CPLANE1: variants seen among roughly 807,000 people sequenced by gnomAD.
CPLANE1 encodes the protein ciliogenesis and planar polarity effector 1.
Under a neutral mutation model 362.5 loss-of-function variants are expected in CPLANE1, and 263 were observed. The ratio of observed to expected loss-of-function variants is 0.73; its 90% CI spans 0.66 to 0.80. The LOEUF (loss-of-function observed/expected upper bound fraction) is 0.80. Ranked by LOEUF, CPLANE1 falls within the 30% of genes least tolerant of loss-of-function variation. The pLI is 0.00. For missense variants in CPLANE1, 3,461 were observed against 3,793.4 expected, an observed-to-expected ratio of 0.91 and a Z score of 2.30; for synonymous variants, 1,212 against 1,302.6, an observed-to-expected ratio of 0.93 and a Z score of 1.50.
chr5:37,235,474 G>A (rs1208437289), intron 8 of CPLANE1, among the ~76,000 whole-genome samples: 9 of 150,258 alleles, frequency 6.0e-5, no homozygotes, highest in Middle Eastern at 3.3e-3. Flanking sequence ...AATTACCAGC[G>A]CCATTTTTCA....
rs1757811069 is a variant in CPLANE1, at chr5:37,107,293, GT to G, written c.*308del. 2 of 1,081,072 alleles carry G rather than the reference GT, an allele frequency of 1.9e-6. No individual in the cohort carries two copies. The highest frequency in any genetic ancestry group is 1.6e-5 in the African/African-American group (1 of 60,708). 67.0% of individuals were successfully genotyped at this position (1,081,072 alleles called of 1,614,324 possible). On this transcript the variant is annotated 3_prime_UTR_variant, in exon 53 of 53. Coordinates refer to ENST00000651892, the MANE Select transcript of CPLANE1 (RefSeq NM_001384732.1). Reference sequence around the variant, plus strand: ...AATAAAGGAGGAGGCAAGATAGAGGGTTTTTATTGAAAGTAGGTTATGCAAA... The same window carrying G: ...AATAAAGGAGGAGGCAAGATAGAGGGTTTTATTGAAAGTAGGTTATGCAAA...
chr5:37,115,597 C>CTTTTT (rs202050168), intron 50 of CPLANE1, among the ~76,000 whole-genome samples: 3 of 124,670 alleles, frequency 2.4e-5, no homozygotes, highest in Non-Finnish European at 3.4e-5. Context: ...ACTTTTATTT[C>CTTTTT]TTTTTTTTTT....
chr5:37,245,705 T>A lies in CPLANE1; in HGVS notation c.217+5A>T, dbSNP rs1200852849. ...AGCCATTTGAAAATATCAGTACTACTTAACCATTACTGGATGTTGTTAGGA... is the reference window on the plus strand; with the variant it reads ...AGCCATTTGAAAATATCAGTACTACATAACCATTACTGGATGTTGTTAGGA... On this transcript the variant is annotated splice_donor_5th_base_variant and intron_variant, in intron 3 of 52. Coordinates refer to ENST00000651892, the MANE Select transcript of CPLANE1 (RefSeq NM_001384732.1). 1 of 1,508,140 alleles carries A rather than the reference T, an allele frequency of 6.6e-7. No homozygotes were observed. The highest frequency in any genetic ancestry group is 2.4e-5 in the Admixed American group (1 of 41,538). The allele number at this position is 1,508,140 out of a possible 1,614,324, so 93.4% of individuals were successfully genotyped here.
At chr5:37,083,863 A>G in the CPLANE1 span, among the ~76,000 whole-genome samples, 1 of 152,244 alleles carries the variant, frequency 6.6e-6, no homozygotes, top group Non-Finnish European at 1.5e-5. Flanking sequence ...ATTTGGGGGA[A>G]TAATCGAGGA....
At position 37,107,063 on chromosome 5, in the gene CPLANE1, T is replaced by C. The variant is rs1361288970; in HGVS notation, c.*539A>G. 1.0e-6 allele frequency: 1 copy of C among 985,338 alleles called. No homozygotes were observed. Among genetic ancestry groups the C allele is most frequent in the Non-Finnish European group, 1.2e-6 (1 of 829,930 alleles). The allele number at this position is 985,338 out of a possible 1,614,324, so 61.0% of individuals were successfully genotyped here. ...AAGACAGAAGATCTCCTGGCCTCCA[T>C]GAAACTTTGCTTATTTAGAGATTCA... On this transcript the variant is annotated 3_prime_UTR_variant, in exon 53 of 53. Coordinates refer to ENST00000651892, the MANE Select transcript of CPLANE1 (RefSeq NM_001384732.1).
chr5:37,226,006 A>G (rs1425197160), intron 12 of CPLANE1, among the ~76,000 whole-genome samples: 1 of 152,154 alleles, frequency 6.6e-6, no homozygotes, highest in African/African-American at 2.4e-5. Flanking sequence ...CTAAAAGTGT[A>G]TACATTTATC....
chr5:37,211,902 G>C lies in CPLANE1; in HGVS notation c.2920+1657C>G, dbSNP rs1792713714. ...GTTTGAAATGGATGGGCCCTCTCCT[G>C]CCGGGGATATGCTTCATATGGGCGC... On this transcript the variant is annotated intron_variant, in intron 16 of 52. Transcript: ENST00000651892. 7.6e-6 allele frequency: 6 copies of C among 789,980 alleles called. No individual in the cohort carries two copies. The African/African-American group carries it at 1.0e-4, about 13-fold the overall frequency. The allele number at this position is 789,980 out of a possible 1,614,324, so 48.9% of individuals were successfully genotyped here.
intron 15 of CPLANE1, among the ~76,000 whole-genome samples, chr5:37,217,774 C>G (rs181460231): frequency 4.7e-5 from 7 of 149,244 alleles, no homozygotes; most frequent in African/African-American, 1.7e-4. Context: ...GTCAGGAGTT[C>G]GATACCAGCC....
intron 14 of CPLANE1, 66 bp downstream of exon 14, chr5:37,224,187 A>T (rs1424941631): frequency 1.9e-6 from 2 of 1,030,666 alleles, no homozygotes; most frequent in Non-Finnish European, 1.4e-6. Context: ...ATTACTGTTA[A>T]GGTCTACAGC....
chr5:37,101,009 G>T, the CPLANE1 span, among the ~76,000 whole-genome samples: 4 of 152,130 alleles, frequency 2.6e-5, no homozygotes, highest in Non-Finnish European at 4.4e-5. Flanking sequence ...GAAGCTTTTG[G>T]GCTGAGACAA....
chr5:37,214,987 A>G (rs1308422233), intron 15 of CPLANE1, among the ~76,000 whole-genome samples: 1 of 152,252 alleles, frequency 6.6e-6, no homozygotes, highest in Admixed American at 6.5e-5. Context: ...TTGGAAACAG[A>G]TAACATAAAC....
At chr5:37,211,805 G>A (rs944184643) in intron 16 of CPLANE1, 21 of 801,080 alleles carry the variant, frequency 2.6e-5, no homozygotes, top group Admixed American at 5.1e-5. Flanking sequence ...TTTCAGATGC[G>A]GACAAGCTAG....
chr5:37,111,915 A>G (rs1411929850), intron 51 of CPLANE1, among the ~76,000 whole-genome samples: 2 of 152,214 alleles, frequency 1.3e-5, no homozygotes, highest in African/African-American at 4.8e-5. Context: ...AGCCGTTAAA[A>G]CAGAAAAAGT....
rs1197470352 is a variant in CPLANE1 at position 37,238,989 on chromosome 5, T to G, written c.835-29A>C. ...GAAAGGAAAAAAAAGACAAGAAAACTATTAAAATTATTTTACTGTAACCAT... is the reference window on the plus strand; with the variant it reads ...GAAAGGAAAAAAAAGACAAGAAAACGATTAAAATTATTTTACTGTAACCAT... On this transcript the variant is annotated intron_variant, in intron 7 of 52. Transcript: ENST00000651892. The G allele has an allele frequency of 5.4e-6, 6 of 1,107,488 alleles. No homozygotes were observed. The East Asian group carries it at 1.6e-4, about 29-fold the overall frequency. 68.6% of individuals were successfully genotyped at this position (1,107,488 alleles called of 1,614,324 possible). A position where few individuals can be genotyped will look rare whatever the true frequency, so the allele number is the denominator to read the frequency against.
At position 37,167,046 on chromosome 5, in the gene CPLANE1, CCTTT is replaced by C; in HGVS notation, c.7397_7400del (p.Lys2466SerfsTer18). The C allele has an allele frequency of 6.2e-7, 1 of 1,603,248 alleles. No individual in the cohort carries two copies. The highest frequency in any genetic ancestry group is 1.1e-5 in the South Asian group (1 of 87,986). ...CAAATAAAATTTCACTTAAGCCTTG[CCTTT>C]TTTTACTGTCCTTTCCTTGTCTTAC... On this transcript the variant is annotated frameshift_variant and splice_region_variant, in exon 35 of 53. Transcript: ENST00000651892. LOFTEE classifies it high-confidence loss of function.
chr5:37,178,960 T>C (rs555948763), intron 29 of CPLANE1, among the ~76,000 whole-genome samples: 1 of 152,194 alleles, frequency 6.6e-6, no homozygotes, highest in East Asian at 1.9e-4. Flanking sequence ...GGAGTCTTGT[T>C]CTCTTGACCA....
chr5:37,157,726 T>C lies in CPLANE1; in HGVS notation c.7955A>G (p.His2652Arg), dbSNP rs373755833. 1.4e-5 allele frequency: 23 copies of C among 1,613,880 alleles called. No homozygotes were observed. Among genetic ancestry groups the C allele is most frequent in the East Asian group, 2.2e-5 (1 of 44,872 alleles). Residue 2652 changes from histidine to arginine, a missense_variant, in exon 40 of 53, where the codon CAT (histidine) becomes CGT (arginine). Coordinates refer to ENST00000651892, the MANE Select transcript of CPLANE1 (RefSeq NM_001384732.1). ...HLAVPSSAEL[H>R]YMAASVTNAV... ...ATTAGTAACTGAAGCTGCCATATAA[T>C]GTAACTCTGCAGACGATGGAACTGC...
intron 15 of CPLANE1, among the ~76,000 whole-genome samples, 187 bp downstream of exon 15, chr5:37,221,137 T>A (rs1795270432): frequency 6.6e-6 from 1 of 152,302 alleles, no homozygotes; most frequent in African/African-American, 2.4e-5. Flanking sequence ...CTTTTATGTA[T>A]AAGCAATTTC....
chr5:37,171,295 T>C lies in CPLANE1; in HGVS notation c.6172-964A>G, dbSNP rs564335120. ...ATTTACAGCAGGCATAATGAAAAGA[T>C]AGGCTAGTACAGAAGTTCACAAACT... On this transcript the variant is annotated intron_variant, in intron 32 of 52. Transcript: ENST00000651892. Among the ~76,000 whole-genome samples the C allele has an allele frequency of 2.6e-5, 4 of 152,310 alleles. No individual in the cohort carries two copies. The South Asian group carries it at 8.3e-4, about 32-fold the overall frequency.
Sources: gnomAD v4.1 joint callset for allele counts (sites outside exome capture counted in the v4.1 genomes callset) on GRCh38, gnomAD v4.1.1 for gene constraint, MANE v1.5 for transcripts, NCBI Gene and HGNC (gene_info 2026-07-23, HGNC 2026-07-21) for gene names.